The following ZNF804B variants were observed in gnomAD, a reference collection of about 807,000 sequenced individuals.
The protein encoded by ZNF804B is zinc finger protein 804B, also known as zinc finger 804B.
ZNF804B carries 80 observed loss-of-function variants against 101.4 expected under a neutral mutation model. The ratio of observed to expected loss-of-function variants is 0.79; its 90% CI spans 0.66 to 0.95. The LOEUF (loss-of-function observed/expected upper bound fraction) is 0.95, where lower values mean the gene tolerates loss of function less well. Ranked by LOEUF, ZNF804B falls within the 40% of genes least tolerant of loss-of-function variation. The pLI is 0.00. For synonymous variants in ZNF804B, 622 were observed against 558.8 expected, an observed-to-expected ratio of 1.11 and a Z score of -1.59; for missense variants, 1,673 against 1,561.9, an observed-to-expected ratio of 1.07 and a Z score of -1.20.
chr7:89,026,757 A>G (rs1342209421), intron 1 of ZNF804B, among the ~76,000 whole-genome samples: 2 of 152,184 alleles, frequency 1.3e-5, no homozygotes, highest in Admixed American at 1.3e-4. Context: ...GAGCAAACCC[A>G]GGAGAAGTGA....
At chr7:89,075,030 G>A (rs13438767) in intron 1 of ZNF804B, among the ~76,000 whole-genome samples, 2,362 of 152,242 alleles carry the variant, frequency 0.016, 50 homozygotes, top group African/African-American at 0.053. Flanking sequence ...TTTCTAAGCA[G>A]CAAAGCATTC....
intron 1 of ZNF804B, among the ~76,000 whole-genome samples, chr7:88,996,986 ATG>A (rs540244100): frequency 1.3e-5 from 2 of 151,954 alleles, no homozygotes; most frequent in African/African-American, 4.8e-5. Context: ...GAGTATGTGT[ATG>A]TGTGTGTGTA....
intron 1 of ZNF804B, among the ~76,000 whole-genome samples, chr7:88,896,134 G>A (rs1264176011): frequency 6.6e-6 from 1 of 152,186 alleles, no homozygotes; most frequent in African/African-American, 2.4e-5. Flanking sequence ...TGCTGAGAAT[G>A]ATTATCTCTC....
intron 1 of ZNF804B, among the ~76,000 whole-genome samples, chr7:89,090,166 A>G (rs995822151): frequency 2.0e-5 from 3 of 152,042 alleles, no homozygotes; most frequent in African/African-American, 7.2e-5. Context: ...CATGTACTGA[A>G]CATTTCTCAT....
At chr7:88,854,657 G>C (rs1791528558) in intron 1 of ZNF804B, among the ~76,000 whole-genome samples, 1 of 147,442 alleles carries the variant, frequency 6.8e-6, no homozygotes, top group South Asian at 2.2e-4. Flanking sequence ...ACAACGTGCA[G>C]GTTAGTTACA....
intron 1 of ZNF804B, among the ~76,000 whole-genome samples, chr7:88,912,997 C>T (rs574237163): frequency 2.0e-3 from 306 of 152,150 alleles, no homozygotes; most frequent in Middle Eastern, 6.8e-3. Context: ...AGATTGTTTT[C>T]GATGTTATCA....
intron 1 of ZNF804B, among the ~76,000 whole-genome samples, chr7:88,942,317 T>A (rs925676245): frequency 1.3e-5 from 2 of 151,930 alleles, no homozygotes; most frequent in Non-Finnish European, 2.9e-5. Context: ...TAGTAAATTG[T>A]GACAAAAATT....
chr7:89,177,134 T>C (rs1308588830), intron 1 of ZNF804B, among the ~76,000 whole-genome samples: 1 of 152,174 alleles, frequency 6.6e-6, no homozygotes, highest in East Asian at 1.9e-4. Flanking sequence ...TCTGCTCTGA[T>C]TTATATTTTC....
At chr7:89,174,339 G>C (rs1791285837) in intron 1 of ZNF804B, among the ~76,000 whole-genome samples, 1 of 152,008 alleles carries the variant, frequency 6.6e-6, no homozygotes, top group Non-Finnish European at 1.5e-5. Context: ...ATGAGTGAGA[G>C]CATGCAAAAT....
chr7:88,953,696 A>G (rs1017238155), intron 1 of ZNF804B, among the ~76,000 whole-genome samples: 2 of 151,718 alleles, frequency 1.3e-5, no homozygotes, highest in Non-Finnish European at 2.9e-5. Flanking sequence ...TCCAGATCAT[A>G]GAATCTTAAG....
chr7:89,173,042 C>T (rs996386734), intron 1 of ZNF804B, among the ~76,000 whole-genome samples: 3 of 152,068 alleles, frequency 2.0e-5, no homozygotes, highest in African/African-American at 7.2e-5. Context: ...TTTGAGGCTG[C>T]TGCATGGGCC....
At chr7:89,027,472 C>T (rs751135526) in intron 1 of ZNF804B, among the ~76,000 whole-genome samples, 31 of 152,086 alleles carry the variant, frequency 2.0e-4, no homozygotes, top group Non-Finnish European at 4.3e-4. Flanking sequence ...AAACAATAAC[C>T]TTAGATTTCT....
intron 1 of ZNF804B, among the ~76,000 whole-genome samples, chr7:88,920,453 T>C (rs890868414): frequency 6.6e-6 from 1 of 152,096 alleles, no homozygotes; most frequent in African/African-American, 2.4e-5. Flanking sequence ...TCTTCCATAA[T>C]GTATTAGACA....
chr7:89,093,707 T>C (rs1248365055), intron 1 of ZNF804B, among the ~76,000 whole-genome samples: 1 of 152,256 alleles, frequency 6.6e-6, no homozygotes, highest in East Asian at 1.9e-4. Flanking sequence ...CTTCTATGCA[T>C]TGAAGTCCAT....
intron 1 of ZNF804B, among the ~76,000 whole-genome samples, chr7:89,172,858 G>A (rs1358566604): frequency 1.3e-5 from 2 of 152,158 alleles, no homozygotes; most frequent in African/African-American, 4.8e-5. Context: ...TCCACTAGTA[G>A]TGTATATTTC....
At chr7:89,292,856 T>C (rs10235762) in intron 2 of ZNF804B, among the ~76,000 whole-genome samples, 35,220 of 151,816 alleles carry the variant, frequency 0.23, 4,420 homozygotes, top group Admixed American at 0.28. Flanking sequence ...TTTTGTAACA[T>C]CTGAAATAGC....
At chr7:89,145,641 A>G (rs1562896651) in intron 1 of ZNF804B, among the ~76,000 whole-genome samples, 2 of 152,066 alleles carry the variant, frequency 1.3e-5, no homozygotes, top group Non-Finnish European at 1.5e-5. Context: ...GTAACAACTT[A>G]TAATCAATTT....
At chr7:89,307,724 C>T (rs1790586850) in intron 2 of ZNF804B, among the ~76,000 whole-genome samples, 1 of 151,868 alleles carries the variant, frequency 6.6e-6, no homozygotes, top group Non-Finnish European at 1.5e-5. Flanking sequence ...TTACATGAGG[C>T]ACTAATTATT....
intron 2 of ZNF804B, among the ~76,000 whole-genome samples, chr7:89,252,395 T>G (rs1233795730): frequency 6.6e-6 from 1 of 152,116 alleles, no homozygotes; most frequent in Non-Finnish European, 1.5e-5. Context: ...CAGTAGATGC[T>G]TGAGAGGCTG....
Sources: allele counts gnomAD v4.1 joint callset (sites outside exome capture counted in the v4.1 genomes callset), GRCh38; gene constraint gnomAD v4.1.1; transcripts MANE v1.5; gene names NCBI Gene and HGNC (gene_info 2026-07-23, HGNC 2026-07-21).